Variants in LRMDA observed in about 807,000 individuals in gnomAD.
LRMDA encodes the protein leucine-rich melanocyte differentiation-associated protein.
Under a neutral mutation model 29.8 loss-of-function variants are expected in LRMDA, and 18 were observed. That is an observed-to-expected ratio of 0.60 (90% confidence interval 0.42 to 0.90). The LOEUF (loss-of-function observed/expected upper bound fraction) is 0.90, where lower values mean the gene tolerates loss of function less well. Among genes scored for constraint, LRMDA ranks in the 40% least tolerant of loss-of-function variants. LRMDA has a pLI of 0.00. For synonymous variants in LRMDA, 125 were observed against 109.4 expected (o/e 1.14, Z -0.89); for missense variants, 273 against 273.9 (o/e 1.00, Z 0.02).
intron 2 of LRMDA, among the ~76,000 whole-genome samples, chr10:75,604,009 C>T (rs1840921646): frequency 6.6e-6 from 1 of 152,126 alleles, no homozygotes; most frequent in Non-Finnish European, 1.5e-5. Flanking sequence ...TTCTGGGAGA[C>T]TTGGGTTCTA....
At chr10:76,218,920 C>T (rs1042229941) in intron 5 of LRMDA, among the ~76,000 whole-genome samples, 1 of 152,196 alleles carries the variant, frequency 6.6e-6, no homozygotes, top group Non-Finnish European at 1.5e-5. Flanking sequence ...AGGTGCACAG[C>T]CTGTCCTTGC....
chr10:75,957,509 T>G (rs1481009298), intron 2 of LRMDA, among the ~76,000 whole-genome samples: 1 of 152,190 alleles, frequency 6.6e-6, no homozygotes, highest in Non-Finnish European at 1.5e-5. Flanking sequence ...CACGGTATTG[T>G]GAAATCTTTT....
intron 2 of LRMDA, among the ~76,000 whole-genome samples, chr10:75,998,584 C>T (rs1847511147): frequency 6.6e-6 from 1 of 152,194 alleles, no homozygotes; most frequent in Admixed American, 6.5e-5. Flanking sequence ...CACATATTAG[C>T]TTATTAAAGC....
chr10:76,425,022 T>C (rs975732743), intron 6 of LRMDA, among the ~76,000 whole-genome samples: 22 of 152,288 alleles, frequency 1.4e-4, no homozygotes, highest in African/African-American at 5.1e-4. Flanking sequence ...TTTGTGAACC[T>C]CCCCATTGCA....
chr10:76,421,015 G>A (rs1842066503), intron 6 of LRMDA, among the ~76,000 whole-genome samples: 1 of 152,102 alleles, frequency 6.6e-6, no homozygotes, highest in Admixed American at 6.6e-5. Context: ...TTGCGTGTGT[G>A]TATATACATG....
chr10:76,476,130 C>T, intron 6 of LRMDA, among the ~76,000 whole-genome samples: 1 of 151,816 alleles, frequency 6.6e-6, no homozygotes, highest in Non-Finnish European at 1.5e-5. Flanking sequence ...TTGAAAAGAT[C>T]AACAAAACTG....
chr10:76,293,038 G>A (rs888219050), intron 5 of LRMDA, among the ~76,000 whole-genome samples: 1 of 152,066 alleles, frequency 6.6e-6, no homozygotes, highest in African/African-American at 2.4e-5. Flanking sequence ...GCACAATCTC[G>A]GCTCGGCTCA....
chr10:76,039,426 T>C (rs985140064), intron 3 of LRMDA, among the ~76,000 whole-genome samples: 1 of 152,256 alleles, frequency 6.6e-6, no homozygotes, highest in Non-Finnish European at 1.5e-5. Flanking sequence ...TTTGTGAAGT[T>C]AGCTTTATTT....
chr10:76,235,528 A>G (rs1231183597), intron 5 of LRMDA, among the ~76,000 whole-genome samples: 3 of 152,144 alleles, frequency 2.0e-5, no homozygotes, highest in Non-Finnish European at 4.4e-5. Flanking sequence ...GTATACCTGC[A>G]GAGGATTTCT....
chr10:76,162,679 AG>A (rs1850669182), intron 5 of LRMDA, among the ~76,000 whole-genome samples: 1 of 152,256 alleles, frequency 6.6e-6, no homozygotes, highest in East Asian at 1.9e-4. Flanking sequence ...GATGGTGCTG[AG>A]GCATTTGTGA....
At chr10:75,758,290 A>G (rs1843056683) in intron 2 of LRMDA, among the ~76,000 whole-genome samples, 1 of 152,280 alleles carries the variant, frequency 6.6e-6, no homozygotes, top group East Asian at 1.9e-4. Flanking sequence ...TCCTGTTGCC[A>G]AGTCTGTTTG....
chr10:75,816,158 T>C (rs928479019), intron 2 of LRMDA, among the ~76,000 whole-genome samples: 4 of 152,242 alleles, frequency 2.6e-5, no homozygotes, highest in African/African-American at 9.6e-5. Flanking sequence ...GGTTTCTTAC[T>C]TTTAGGTCTT....
chr10:76,191,998 A>C (rs888288840), intron 5 of LRMDA, among the ~76,000 whole-genome samples: 5 of 152,098 alleles, frequency 3.3e-5, no homozygotes, highest in Non-Finnish European at 7.4e-5. Flanking sequence ...TAACAAACCC[A>C]GGTCTCGCGT....
At chr10:75,544,684 TTTC>T (rs1276294941) in intron 2 of LRMDA, among the ~76,000 whole-genome samples, 1 of 152,140 alleles carries the variant, frequency 6.6e-6, no homozygotes, top group African/African-American at 2.4e-5. Context: ...TTTAAAAAAC[TTTC>T]TTGTTTTTTT....
chr10:75,600,658 A>G (rs1435055258), intron 2 of LRMDA, among the ~76,000 whole-genome samples: 2 of 152,206 alleles, frequency 1.3e-5, no homozygotes, highest in Admixed American at 1.3e-4. Flanking sequence ...AGTGTGGGGT[A>G]TACTGCATGA....
intron 2 of LRMDA, among the ~76,000 whole-genome samples, chr10:75,785,681 G>A (rs545290880): frequency 1.3e-5 from 2 of 152,292 alleles, no homozygotes; most frequent in East Asian, 3.9e-4. Context: ...TTAATTTCGG[G>A]TAATGAAGAT....
At chr10:75,656,181 T>A (rs1841672602) in intron 2 of LRMDA, among the ~76,000 whole-genome samples, 1 of 152,228 alleles carries the variant, frequency 6.6e-6, no homozygotes, top group Non-Finnish European at 1.5e-5. Context: ...GGTCTTCCAG[T>A]CTTTAGCCTG....
At chr10:75,914,875 T>C (rs1486358794) in intron 2 of LRMDA, among the ~76,000 whole-genome samples, 11 of 152,324 alleles carry the variant, frequency 7.2e-5, no homozygotes, top group South Asian at 4.1e-4. Flanking sequence ...TCTTGTGTTG[T>C]AACCTATACA....
chr10:75,966,233 C>T (rs778720550), intron 2 of LRMDA, among the ~76,000 whole-genome samples: 2 of 152,120 alleles, frequency 1.3e-5, no homozygotes, highest in Non-Finnish European at 2.9e-5. Flanking sequence ...TGTGGGTGGA[C>T]GAGAGCCTGG....
Sources: allele counts gnomAD v4.1 joint callset (sites outside exome capture counted in the v4.1 genomes callset), GRCh38; gene constraint gnomAD v4.1.1; transcripts MANE v1.5; gene names NCBI Gene and HGNC (gene_info 2026-07-23, HGNC 2026-07-21).